Variants in ANKS1B observed in about 807,000 individuals in gnomAD.
ANKS1B encodes ankyrin repeat and sterile alpha motif domain-containing protein 1B.
In ANKS1B, 36 loss-of-function variants were observed where a neutral mutation model predicts 148.3. That is an observed-to-expected ratio of 0.24 (90% CI 0.19 to 0.32). ANKS1B has a LOEUF of 0.32. ANKS1B is among the 10% of genes least tolerant of loss of function. The probability of loss-of-function intolerance (pLI) is 1.00; values close to 1 mark genes in which losing one functional copy is unlikely to be tolerated. For missense variants in ANKS1B, 1,157 were observed against 1,542.6 expected (o/e 0.75, Z 4.19); for synonymous variants, 542 against 560.8 (o/e 0.97, Z 0.47).
At chr12:99,122,997 A>AATATATATATATATAT (rs1555271767) in intron 15 of ANKS1B, among the ~76,000 whole-genome samples, 1 of 141,686 alleles carries the variant, frequency 7.1e-6, no homozygotes, top group African/African-American at 2.6e-5. Context: ...TTAAAAAAAA[A>AATATATATATATATAT]ATATATATAT....
At chr12:99,573,379 T>C (rs75473132) in intron 9 of ANKS1B, among the ~76,000 whole-genome samples, 1 of 152,122 alleles carries the variant, frequency 6.6e-6, no homozygotes, top group Non-Finnish European at 1.5e-5. Context: ...TTGATTTTTT[T>C]AAAAAATTGG....
At chr12:99,324,112 T>A (rs2085846312) in intron 12 of ANKS1B, among the ~76,000 whole-genome samples, 1 of 152,196 alleles carries the variant, frequency 6.6e-6, no homozygotes, top group Non-Finnish European at 1.5e-5. Context: ...TAAACCAAGT[T>A]AATGAGCTAT....
chr12:99,061,353 G>A (rs1342123956), intron 16 of ANKS1B, among the ~76,000 whole-genome samples: 2 of 152,190 alleles, frequency 1.3e-5, no homozygotes, highest in Non-Finnish European at 2.9e-5. Flanking sequence ...ATACCCTGGA[G>A]TCTGGGAAAT....
downstream of ANKS1B, among the ~76,000 whole-genome samples, chr12:98,741,806 A>G (rs887670141): frequency 2.0e-5 from 3 of 152,290 alleles, no homozygotes; most frequent in Non-Finnish European, 2.9e-5. Flanking sequence ...CCGCCTCTCA[A>G]ATGTCAGAAA....
At chr12:99,622,416 A>AC (rs1193163341) in intron 9 of ANKS1B, among the ~76,000 whole-genome samples, 3 of 152,106 alleles carry the variant, frequency 2.0e-5, no homozygotes, top group East Asian at 3.9e-4. Context: ...TAAAAGTGAG[A>AC]CCCCAAAAGT....
chr12:99,585,910 T>C (rs565896890), intron 9 of ANKS1B, among the ~76,000 whole-genome samples: 121 of 152,264 alleles, frequency 7.9e-4, no homozygotes, highest in African/African-American at 2.8e-3. Context: ...TCCTCCTGTC[T>C]CTGGGCCTGG....
At chr12:98,770,049 G>T (rs1269003349) in intron 25 of ANKS1B, among the ~76,000 whole-genome samples, 2 of 152,226 alleles carry the variant, frequency 1.3e-5, no homozygotes, top group African/African-American at 4.8e-5. Flanking sequence ...GGGTCAGGCT[G>T]TTAACTGACG....
chr12:99,736,170 C>G (rs1437200159), intron 8 of ANKS1B, among the ~76,000 whole-genome samples: 2 of 151,874 alleles, frequency 1.3e-5, no homozygotes, highest in African/African-American at 4.8e-5. Flanking sequence ...ATGGGGAAAG[C>G]ATTTCCTCTA....
chr12:98,742,209 C>T (rs549036350), downstream of ANKS1B, among the ~76,000 whole-genome samples: 7 of 152,336 alleles, frequency 4.6e-5, no homozygotes, highest in East Asian at 1.9e-4. Flanking sequence ...TAAACCTCCG[C>T]GGCTGCAGTC....
chr12:99,612,093 T>G (rs2097907519), intron 9 of ANKS1B, among the ~76,000 whole-genome samples: 1 of 152,030 alleles, frequency 6.6e-6, no homozygotes. Context: ...TTTAGCTGCA[T>G]TTGAGGGAAT....
chr12:99,816,341 G>GT (rs545327773), intron 2 of ANKS1B, among the ~76,000 whole-genome samples: 4 of 151,096 alleles, frequency 2.6e-5, no homozygotes, highest in South Asian at 2.1e-4. Context: ...GGGATTATTT[G>GT]TTTTTTTTCT....
At chr12:99,794,810 A>G (rs984517692) in intron 4 of ANKS1B, among the ~76,000 whole-genome samples, 1 of 151,960 alleles carries the variant, frequency 6.6e-6, no homozygotes, top group African/African-American at 2.4e-5. Context: ...ACTATAATCA[A>G]TAATAATTCA....
intron 12 of ANKS1B, among the ~76,000 whole-genome samples, chr12:99,314,407 G>GA (rs1566870782): frequency 6.6e-6 from 1 of 152,124 alleles, no homozygotes; most frequent in African/African-American, 2.4e-5. Context: ...CACAGAATTA[G>GA]AAAAAACTAC....
At chr12:98,886,745 C>T (rs539448327) in intron 17 of ANKS1B, among the ~76,000 whole-genome samples, 2 of 152,192 alleles carry the variant, frequency 1.3e-5, no homozygotes, top group East Asian at 3.9e-4. Context: ...TGGCCTCAGA[C>T]TATACAGAGA....
intron 8 of ANKS1B, among the ~76,000 whole-genome samples, chr12:99,677,176 A>G (rs1328432546): frequency 6.6e-6 from 1 of 152,198 alleles, no homozygotes; most frequent in Non-Finnish European, 1.5e-5. Flanking sequence ...GCGCTCCTAC[A>G]TCTTTCATAG....
intron 16 of ANKS1B, chr12:99,083,915 A>C (rs941635726): frequency 3.9e-5 from 6 of 152,056 alleles, no homozygotes; most frequent in African/African-American, 1.4e-4. Context: ...TCTGAAATGC[A>C]TTTTCCTTTC....
chr12:98,744,447 A>ATTGT lies in ANKS1B; in HGVS notation c.*1288_*1291dup. On this transcript the variant is annotated 3_prime_UTR_variant, in exon 27 of 27. Coordinates refer to ENST00000683438, the MANE Select transcript of ANKS1B (RefSeq NM_001352186.2). ...GAACTTCAAAATGATTCACAATATGATTGTTAGAACAATATACATTAAAAT... is the reference window on the plus strand; with the variant it reads ...GAACTTCAAAATGATTCACAATATGATTGTTTGTTAGAACAATATACATTAAAAT... 5.3e-6 allele frequency: 4 copies of ATTGT among 760,594 alleles called. No individual in the cohort carries two copies. Among genetic ancestry groups the ATTGT allele is most frequent in the Non-Finnish European group, 6.4e-6 (4 of 624,738 alleles). 47.1% of individuals were successfully genotyped at this position (760,594 alleles called of 1,614,324 possible). A position where few individuals can be genotyped will look rare whatever the true frequency, so the allele number is the denominator to read the frequency against.
At chr12:99,497,621 G>A (rs540714286) in intron 10 of ANKS1B, among the ~76,000 whole-genome samples, 1 of 152,174 alleles carries the variant, frequency 6.6e-6, no homozygotes, top group East Asian at 1.9e-4. Flanking sequence ...AAGGATACTG[G>A]TCATATTGGA....
intron 9 of ANKS1B, among the ~76,000 whole-genome samples, chr12:99,637,413 T>C (rs2098249012): frequency 6.6e-6 from 1 of 152,198 alleles, no homozygotes; most frequent in East Asian, 1.9e-4. Flanking sequence ...TGATGGTTAA[T>C]ACTGAATGTC....
Sources: allele counts gnomAD v4.1 joint callset (sites outside exome capture counted in the v4.1 genomes callset), GRCh38; gene constraint gnomAD v4.1.1; transcripts MANE v1.5; gene names NCBI Gene and HGNC (gene_info 2026-07-23, HGNC 2026-07-21).